KCNA6: variants seen among roughly 807,000 people sequenced by gnomAD.
The protein encoded by KCNA6 is human brain potassium channel-2.
In KCNA6, 17 loss-of-function variants were observed where a neutral mutation model predicts 29.5. That is an observed-to-expected ratio of 0.58 (90% CI 0.39 to 0.86). The LOEUF is 0.86. Among genes scored for constraint, KCNA6 ranks in the 40% least tolerant of loss-of-function variants. The pLI is 0.00. For synonymous variants in KCNA6, 296 were observed against 304.7 expected, an observed-to-expected ratio of 0.97 and a Z score of 0.30; for missense variants, 450 against 703.4, an observed-to-expected ratio of 0.64 and a Z score of 4.07.
chr12:4,818,014 G>A (rs1946697943), downstream of KCNA6, among the ~76,000 whole-genome samples: 1 of 152,190 alleles, frequency 6.6e-6, no homozygotes, highest in Non-Finnish European at 1.5e-5. Context: ...CTCAGGGCTT[G>A]ACAACCGCTG....
At chr12:4,828,281 A>G in the KCNA6 span, among the ~76,000 whole-genome samples, 2,517 of 152,328 alleles carry the variant, frequency 0.017, 29 homozygotes, top group South Asian at 0.034. Context: ...CTGTATATCT[A>G]TAGAGATCAT....
chr12:4,822,268 G>A, the KCNA6 span, among the ~76,000 whole-genome samples: 5 of 152,302 alleles, frequency 3.3e-5, no homozygotes, highest in Admixed American at 3.3e-4. Context: ...AATGATACCT[G>A]GCTTATGTCA....
the KCNA6 span, among the ~76,000 whole-genome samples, chr12:4,841,113 C>T: frequency 6.6e-6 from 1 of 152,126 alleles, no homozygotes; most frequent in Admixed American, 6.5e-5. Flanking sequence ...TACCTAATTG[C>T]ACAAGGAGTA....
At chr12:4,814,601 C>CA (rs1189346258), downstream of KCNA6, 1 of 167,154 alleles carries the variant, frequency 6.0e-6, no homozygotes, top group Non-Finnish European at 1.5e-5. The surrounding 1 kb of genome is among the most constrained non-coding windows in gnomAD (Gnocchi z 4.6). Flanking sequence ...AGAGAATATG[C>CA]ACTCTGGGTT....
At chr12:4,846,781 TTTTTTTTTTTA>T in the KCNA6 span, among the ~76,000 whole-genome samples, 8 of 73,214 alleles carry the variant, frequency 1.1e-4, no homozygotes, top group African/African-American at 4.5e-4. Flanking sequence ...TTTTTTTTTT[TTTTTTTTTTTA>T]ATTTGAGACG....
chr12:4,809,984 T>A (rs1946606017), exon 1 of KCNA6: 1 of 1,489,922 alleles, frequency 6.7e-7, no homozygotes, highest in Admixed American at 2.4e-5. Context: ...GGTGCCGCGC[T>A]CCAGAGATTG....
the KCNA6 span, among the ~76,000 whole-genome samples, chr12:4,821,273 G>A: frequency 3.9e-5 from 6 of 152,200 alleles, no homozygotes; most frequent in Non-Finnish European, 8.8e-5. Flanking sequence ...AAGAGGTCCG[G>A]TATGGTGGGG....
the KCNA6 span, among the ~76,000 whole-genome samples, chr12:4,837,850 A>G: frequency 2.1e-5 from 3 of 144,464 alleles, no homozygotes; most frequent in Admixed American, 2.0e-4. Context: ...CCCAAGCAGA[A>G]GAGGCTACAG....
At chr12:4,835,355 C>T in the KCNA6 span, among the ~76,000 whole-genome samples, 28 of 152,098 alleles carry the variant, frequency 1.8e-4, 2 homozygotes, top group South Asian at 2.3e-3. Context: ...AGGATGGTCT[C>T]GATCTCCTGA....
chr12:4,832,630 A>G, the KCNA6 span, among the ~76,000 whole-genome samples: 1 of 152,106 alleles, frequency 6.6e-6, no homozygotes, highest in Non-Finnish European at 1.5e-5. Context: ...GCCCTAAATC[A>G]CCACATCAGA....
the KCNA6 span, among the ~76,000 whole-genome samples, chr12:4,826,976 CCTT>C: frequency 4.6e-5 from 7 of 152,034 alleles, no homozygotes; most frequent in Admixed American, 2.0e-4. Context: ...TAAACGTCTT[CCTT>C]CTTCTTCCTT....
the KCNA6 span, among the ~76,000 whole-genome samples, chr12:4,841,258 C>A: frequency 0.17 from 26,229 of 152,132 alleles, 2,409 homozygotes; most frequent in Admixed American, 0.24. Flanking sequence ...CAGCCAGTAT[C>A]ACCATCTTTT....
chr12:4,820,001 C>G, the KCNA6 span, among the ~76,000 whole-genome samples: 1 of 152,166 alleles, frequency 6.6e-6, no homozygotes, highest in Non-Finnish European at 1.5e-5. Flanking sequence ...TTAGAGACAC[C>G]AAACACCCAT....
chr12:4,831,824 A>G, the KCNA6 span, among the ~76,000 whole-genome samples: 1 of 152,304 alleles, frequency 6.6e-6, no homozygotes, highest in Non-Finnish European at 1.5e-5. Context: ...CACAGGTCTC[A>G]GTATCAGACT....
chr12:4,836,086 C>G, the KCNA6 span, among the ~76,000 whole-genome samples: 1 of 151,434 alleles, frequency 6.6e-6, no homozygotes, highest in Non-Finnish European at 1.5e-5. Context: ...ATTACAGGTG[C>G]CTGCCATCAT....
chr12:4,829,175 C>A, the KCNA6 span, among the ~76,000 whole-genome samples: 1 of 152,044 alleles, frequency 6.6e-6, no homozygotes, highest in Non-Finnish European at 1.5e-5. Context: ...TTAAGGTTCC[C>A]AGGCACGTTG....
At chr12:4,814,454 C>G (rs903535414), downstream of KCNA6, 2 of 167,086 alleles carry the variant, frequency 1.2e-5, no homozygotes, top group East Asian at 1.9e-4. The surrounding 1 kb of genome is among the most constrained non-coding windows in gnomAD (Gnocchi z 4.6). Context: ...TGGGAGGAAT[C>G]TCAAAGATCT....
At chr12:4,826,667 C>T in the KCNA6 span, among the ~76,000 whole-genome samples, 53 of 152,334 alleles carry the variant, frequency 3.5e-4, no homozygotes, top group African/African-American at 1.3e-3. Context: ...TTGGATTCAA[C>T]GACTGGGTTT....
the KCNA6 span, among the ~76,000 whole-genome samples, chr12:4,819,972 C>T: frequency 1.3e-5 from 2 of 152,196 alleles, no homozygotes; most frequent in Non-Finnish European, 2.9e-5. Context: ...CTTCCCACTG[C>T]CAATCAGCAG....
Sources: gnomAD v4.1 joint callset for allele counts (sites outside exome capture counted in the v4.1 genomes callset) on GRCh38, gnomAD v4.1.1 for gene constraint, Gnocchi (gnomAD v3.1) non-coding constraint, MANE v1.5 for transcripts, NCBI Gene and HGNC (gene_info 2026-07-23, HGNC 2026-07-21) for gene names.